Variants in ERC2 observed in about 807,000 individuals in gnomAD.
ERC2 encodes the protein ERC protein 2.
ERC2 carries 42 observed loss-of-function variants against 114.8 expected under a neutral mutation model. The ratio of observed to expected loss-of-function variants is 0.37; its 90% confidence interval spans 0.29 to 0.47. ERC2 has a LOEUF of 0.47. ERC2 is among the 20% of genes least tolerant of loss of function. The probability of loss-of-function intolerance (pLI) is 0.99; values close to 1 mark genes in which losing one functional copy is unlikely to be tolerated. For missense variants in ERC2, 939 were observed against 1,150.7 expected, an observed-to-expected ratio of 0.82 and a Z score of 2.66; for synonymous variants, 454 against 425.5, an observed-to-expected ratio of 1.07 and a Z score of -0.82.
intron 1 of ERC2, among the ~76,000 whole-genome samples, chr3:56,452,607 C>T (rs1328902932): frequency 6.6e-6 from 1 of 152,068 alleles, no homozygotes; most frequent in Non-Finnish European, 1.5e-5. Flanking sequence ...TTTAAGCCAA[C>T]CCTGGGGTTC....
intron 15 of ERC2, among the ~76,000 whole-genome samples, chr3:55,719,268 A>G (rs1404926701): frequency 6.6e-6 from 1 of 152,162 alleles, no homozygotes; most frequent in East Asian, 1.9e-4. Context: ...CTGCATGACA[A>G]GCAGGAGGGC....
intron 17 of ERC2, among the ~76,000 whole-genome samples, chr3:55,629,566 G>A (rs989550395): frequency 2.0e-5 from 3 of 152,066 alleles, no homozygotes; most frequent in Admixed American, 1.3e-4. Context: ...CACCTACATT[G>A]CATAATTACC....
chr3:55,703,340 TTC>T (rs1006987083), intron 15 of ERC2, among the ~76,000 whole-genome samples: 16 of 152,184 alleles, frequency 1.1e-4, no homozygotes, highest in Admixed American at 7.9e-4. Flanking sequence ...GGACATGCTG[TTC>T]TCTCTCTCGG....
chr3:55,680,603 C>A (rs929840663), intron 17 of ERC2, among the ~76,000 whole-genome samples: 6 of 152,178 alleles, frequency 3.9e-5, no homozygotes, highest in Admixed American at 1.3e-4. Flanking sequence ...CCTCCAAGAG[C>A]ACATTTTCAC....
intron 6 of ERC2, among the ~76,000 whole-genome samples, chr3:56,102,600 T>C (rs1489603865): frequency 6.6e-6 from 1 of 152,142 alleles, no homozygotes; most frequent in African/African-American, 2.4e-5. Flanking sequence ...TGTTCTGTTT[T>C]CCTAAGAAAA....
intron 2 of ERC2, among the ~76,000 whole-genome samples, chr3:56,317,565 C>T (rs987129968): frequency 6.6e-6 from 1 of 152,106 alleles, no homozygotes; most frequent in African/African-American, 2.4e-5. Flanking sequence ...TAATGATAAT[C>T]TAAAAACTAA....
chr3:55,893,513 T>A (rs552683654), intron 13 of ERC2, among the ~76,000 whole-genome samples: 3 of 152,274 alleles, frequency 2.0e-5, no homozygotes, highest in African/African-American at 7.2e-5. Context: ...AAATTGAGGA[T>A]GACCAAAAGC....
At chr3:56,171,057 C>T (rs1409339931) in intron 4 of ERC2, among the ~76,000 whole-genome samples, 1 of 152,068 alleles carries the variant, frequency 6.6e-6, no homozygotes, top group Non-Finnish European at 1.5e-5. Flanking sequence ...AGCCAATGCA[C>T]CTGGCCAAGA....
intron 3 of ERC2, among the ~76,000 whole-genome samples, chr3:56,198,540 ACTG>A (rs1408856347): frequency 6.6e-6 from 1 of 152,186 alleles, no homozygotes; most frequent in Non-Finnish European, 1.5e-5. Context: ...AGATGTCCAA[ACTG>A]ATAGGTGTGG....
At chr3:56,467,467 A>G (rs1414395833) in intron 1 of ERC2, among the ~76,000 whole-genome samples, 1 of 152,198 alleles carries the variant, frequency 6.6e-6, no homozygotes, top group East Asian at 1.9e-4. Context: ...GGCCGAACGG[A>G]GAGTTTACGA....
chr3:56,191,001 G>A (rs1051384122), intron 3 of ERC2, among the ~76,000 whole-genome samples: 1 of 152,168 alleles, frequency 6.6e-6, no homozygotes, highest in Non-Finnish European at 1.5e-5. Flanking sequence ...CTAGAAAAAG[G>A]GTGTGTATCC....
intron 14 of ERC2, among the ~76,000 whole-genome samples, chr3:55,820,401 A>C (rs1336541316): frequency 6.6e-6 from 1 of 152,216 alleles, no homozygotes; most frequent in Non-Finnish European, 1.5e-5. Flanking sequence ...AGTGAAAATA[A>C]ATTATTATTA....
At chr3:55,861,657 C>T (rs1407246816) in intron 14 of ERC2, among the ~76,000 whole-genome samples, 1 of 151,770 alleles carries the variant, frequency 6.6e-6, no homozygotes. Context: ...AAACTTTGAA[C>T]TGGATTAGCA....
chr3:55,640,493 C>A (rs2060131816), intron 17 of ERC2, among the ~76,000 whole-genome samples: 2 of 152,134 alleles, frequency 1.3e-5, no homozygotes, highest in African/African-American at 4.8e-5. Flanking sequence ...ATAAGGCTGG[C>A]CAGTGCCATG....
chr3:56,245,915 G>A (rs897789689), intron 3 of ERC2, among the ~76,000 whole-genome samples: 1 of 151,920 alleles, frequency 6.6e-6, no homozygotes, highest in African/African-American at 2.4e-5. Flanking sequence ...TCCAGACATG[G>A]CAGTAGATAC....
chr3:55,924,490 C>T (rs1162014698), intron 13 of ERC2, among the ~76,000 whole-genome samples: 1 of 152,092 alleles, frequency 6.6e-6, no homozygotes, highest in Non-Finnish European at 1.5e-5. Context: ...CCTTTTTACT[C>T]TTTGTTTTCA....
intron 3 of ERC2, among the ~76,000 whole-genome samples, chr3:56,286,096 A>C (rs1313814188): frequency 1.3e-5 from 2 of 152,148 alleles, no homozygotes; most frequent in African/African-American, 4.8e-5. Flanking sequence ...CAGAGATCAA[A>C]ACTACAGATC....
chr3:56,021,179 G>A (rs2073688677), intron 7 of ERC2, among the ~76,000 whole-genome samples: 1 of 152,114 alleles, frequency 6.6e-6, no homozygotes, highest in South Asian at 2.1e-4. Context: ...ACAGTGTGTA[G>A]CATATAATCT....
chr3:56,451,420 G>C (rs776743340), intron 1 of ERC2, among the ~76,000 whole-genome samples: 6 of 151,774 alleles, frequency 4.0e-5, no homozygotes, highest in Non-Finnish European at 8.8e-5. Context: ...GGCTCCAATG[G>C]GCAAATTATG....
Sources: allele counts gnomAD v4.1 joint callset (sites outside exome capture counted in the v4.1 genomes callset), GRCh38; gene constraint gnomAD v4.1.1; transcripts MANE v1.5; gene names NCBI Gene and HGNC (gene_info 2026-07-23, HGNC 2026-07-21).